The following NOL4L variants were observed in gnomAD, a reference collection of about 807,000 sequenced individuals.
NOL4L encodes the protein nucleolar protein 4-like.
A neutral mutation model predicts 64.5 loss-of-function variants in NOL4L; 7 were observed. The ratio of observed to expected loss-of-function variants is 0.11; its 90% CI spans 0.06 to 0.20. NOL4L has a LOEUF of 0.20. Among genes scored for constraint, NOL4L ranks in the 10% least tolerant of loss-of-function variants. NOL4L has a pLI of 1.00. For missense variants in NOL4L, 680 were observed against 967.1 expected (o/e 0.70, Z 3.94); for synonymous variants, 413 against 401.0 (o/e 1.03, Z -0.36).
chr20:32,487,622 C>T (rs2016146750), intron 4 of NOL4L, among the ~76,000 whole-genome samples: 1 of 151,232 alleles, frequency 6.6e-6, no homozygotes, highest in African/African-American at 2.4e-5. Flanking sequence ...GGATGAGCAT[C>T]GGGGGGGCAA....
chr20:32,474,891 G>A, intron 4 of NOL4L, 149 bp from the exon 5 acceptor site: 16 of 1,423,576 alleles, frequency 1.1e-5, no homozygotes, highest in Admixed American at 2.9e-5. Flanking sequence ...AGGGCTGGGT[G>A]GTGCTCCCCC....
At chr20:32,457,645 G>T (rs983511963) in intron 5 of NOL4L, among the ~76,000 whole-genome samples, 2 of 152,196 alleles carry the variant, frequency 1.3e-5, no homozygotes, top group African/African-American at 4.8e-5. Context: ...CGGGCAGAGG[G>T]GGATGGGAGG....
rs776292590 is a variant in NOL4L, at chr20:32,474,621, T to C, written c.821A>G (p.Asn274Ser). The change falls in exon 5 of 11, where the codon AAC becomes AGC. Residue 274 changes from asparagine to serine, a missense_variant. Physicochemically the swap from Asn to Ser is conservative, Grantham distance 46. Around this residue, in one of 4 missense-constraint regions of NOL4L, gnomAD observed 254 missense variants for 238.7 expected, o/e 1.06. Coordinates refer to ENST00000621426, the MANE Select transcript of NOL4L (RefSeq NM_001256798.2). ...SQDERMRSPQNLHSQEDDDSS... is the reference protein window; with the variant it reads ...SQDERMRSPQSLHSQEDDDSS... ...CTCACCGTCCTCTTGACTGTGGAGG[T>C]TCTGCGGGCTCCGCATCCTCTCGTC... 5.6e-6 allele frequency: 9 copies of C among 1,612,866 alleles called. No homozygotes were observed. The highest frequency in any genetic ancestry group is 7.6e-6 in the Non-Finnish European group (9 of 1,179,624).
In NOL4L at chr20:32,452,737, C is replaced by T. The variant is rs781218698; in HGVS notation, c.1620+147G>A. On this transcript the variant is annotated intron_variant, in intron 9 of 10. Transcript: ENST00000621426. ...GAACAACACACCTGACCTCCACCCA[C>T]CTCCTCTCCTTGTCTTTGCCCTCCT... 2.8e-4 allele frequency: 365 copies of T among 1,288,722 alleles called. 1 individual carries two copies. Among genetic ancestry groups the T allele is most frequent in the South Asian group, 9.7e-4 (69 of 71,306 alleles). The allele number at this position is 1,288,722 out of a possible 1,614,324, so 79.8% of individuals were successfully genotyped here.
chr20:32,559,951 C>T (rs538492393), intron 1 of NOL4L, among the ~76,000 whole-genome samples: 2 of 152,342 alleles, frequency 1.3e-5, no homozygotes, highest in Non-Finnish European at 2.9e-5. Flanking sequence ...ACCAAGCCTC[C>T]CTCTGCCTCC....
At position 32,447,456 on chromosome 20, in the gene NOL4L, G is replaced by T; in HGVS notation, c.*140C>A. The T allele has an allele frequency of 1.0e-6, 1 of 982,910 alleles. No individual in the cohort carries two copies. The highest frequency in any genetic ancestry group is 1.5e-6 in the Non-Finnish European group (1 of 684,970). The allele number at this position is 982,910 out of a possible 1,614,324, so 60.9% of individuals were successfully genotyped here. A position where few individuals can be genotyped will look rare whatever the true frequency, so the allele number is the denominator to read the frequency against. The stretch of plus-strand genomic sequence containing the variant: ...TGTCCTTGTGCCCAAAGTCTCAGGT[G>T]CTTGGAGTGTGGCTAGAAACAGCTC... On this transcript the variant is annotated 3_prime_UTR_variant, in exon 11 of 11. Coordinates refer to ENST00000621426, the MANE Select transcript of NOL4L (RefSeq NM_001256798.2).
intron 1 of NOL4L, among the ~76,000 whole-genome samples, chr20:32,566,603 T>C (rs1204761838): frequency 1.3e-5 from 2 of 152,144 alleles, no homozygotes; most frequent in Non-Finnish European, 1.5e-5. Context: ...CCTCGGGGCC[T>C]TTGCACTTGC....
In NOL4L at chr20:32,443,606, A is replaced by C. The variant is rs1358733650; in HGVS notation, c.*3990T>G. ...GAACCCTGAAGAAATGGCTTGTACT[A>C]TCTGCACTGAAAGTCTTAAATCTCA... On this transcript the variant is annotated 3_prime_UTR_variant, in exon 11 of 11. Coordinates refer to ENST00000621426, the MANE Select transcript of NOL4L (RefSeq NM_001256798.2). 1 of 152,266 alleles carries C rather than the reference A, an allele frequency of 6.6e-6. No individual in the cohort carries two copies. The highest frequency in any genetic ancestry group is 2.4e-5 in the African/African-American group (1 of 41,470). 9.4% of individuals were successfully genotyped at this position (152,266 alleles called of 1,614,324 possible). A position where few individuals can be genotyped will look rare whatever the true frequency, so the allele number is the denominator to read the frequency against.
rs952780642 is a variant in NOL4L, at chr20:32,456,359, G to T, written c.878C>A (p.Ser293Tyr). 4.1e-6 allele frequency: 6 copies of T among 1,477,488 alleles called. No individual in the cohort carries two copies. Among genetic ancestry groups the T allele is most frequent in the Non-Finnish European group, 4.5e-6 (5 of 1,110,176 alleles). 91.5% of individuals were successfully genotyped at this position (1,477,488 alleles called of 1,614,324 possible). Residue 293 changes from serine (S) to tyrosine (Y), a missense_variant, in exon 6 of 11, where the codon TCC becomes TAC. Ser to Tyr is a moderately radical substitution (Grantham distance 144). Transcript: ENST00000621426. Reference protein sequence around the residue: ...SSSESGSGNGSSTLNPSTSSS... With the variant: ...SSSESGSGNGYSTLNPSTSSS... ...CGACGTGGATGGGTTCAGGGTGGAG[G>T]AGCCATTGCCGCTGCCACTCTCAGA...
At chr20:32,483,947 G>A (rs1217228189) in intron 4 of NOL4L, among the ~76,000 whole-genome samples, 2 of 151,696 alleles carry the variant, frequency 1.3e-5, no homozygotes, top group East Asian at 4.0e-4. Context: ...GCGCTTCGAG[G>A]AAGATCCTTG....
At chr20:32,581,939 G>C (rs1980505225) in intron 1 of NOL4L, 3 of 152,226 alleles carry the variant, frequency 2.0e-5, no homozygotes, top group Admixed American at 6.5e-5. Context: ...CCTTTCAAAG[G>C]AGGTCCCATT....
chr20:32,537,032 A>G, intron 1 of NOL4L: 5 of 982,760 alleles, frequency 5.1e-6, no homozygotes, highest in Non-Finnish European at 6.0e-6. Flanking sequence ...GGCCCCGCCA[A>G]CCGGCTCCCG....
intron 1 of NOL4L, among the ~76,000 whole-genome samples, chr20:32,578,108 A>AAGGAAGG (rs1980228404): frequency 1.1e-5 from 1 of 88,284 alleles, no homozygotes; most frequent in South Asian, 4.6e-4. Flanking sequence ...AGAAAGAGAG[A>AAGGAAGG]AAGGAAGGAA....
intron 5 of NOL4L, among the ~76,000 whole-genome samples, chr20:32,456,764 C>T (rs913775096): frequency 1.3e-5 from 2 of 152,214 alleles, no homozygotes; most frequent in Admixed American, 6.5e-5. Flanking sequence ...CGGCCAGGCT[C>T]TCCCTTCTCC....
At position 32,464,204 on chromosome 20, in the gene NOL4L, C is replaced by A. The variant is rs1200626179; in HGVS notation, c.842-7809G>T. On this transcript the variant is annotated intron_variant, in intron 5 of 10. Coordinates refer to ENST00000621426, the MANE Select transcript of NOL4L (RefSeq NM_001256798.2). The surrounding 1 kb of genome is among the most constrained non-coding windows in gnomAD (Gnocchi z 5.6). ...CGTGCACCTCCCCAGGACTGGCCCC[C>A]TGCCTGCTTTGACAAAGGCCAGCGC... Among the ~76,000 whole-genome samples the A allele has an allele frequency of 6.6e-6, 1 of 152,208 alleles. No individual in the cohort carries two copies. Among genetic ancestry groups the A allele is most frequent in the Non-Finnish European group, 1.5e-5 (1 of 68,038 alleles).
chr20:32,569,325 G>A (rs1172084038), intron 1 of NOL4L, among the ~76,000 whole-genome samples: 1 of 152,196 alleles, frequency 6.6e-6, no homozygotes, highest in Non-Finnish European at 1.5e-5. Context: ...AGGTCATGGT[G>A]ACTTTTGCTC....
chr20:32,558,990 A>G (rs893133283), intron 1 of NOL4L, among the ~76,000 whole-genome samples: 1 of 152,122 alleles, frequency 6.6e-6, no homozygotes, highest in African/African-American at 2.4e-5. Context: ...TCCTCCTTGG[A>G]TAGTGTGTCC....
intron 5 of NOL4L, among the ~76,000 whole-genome samples, chr20:32,473,998 ACT>A (rs1357449484): frequency 2.0e-5 from 3 of 151,902 alleles, no homozygotes; most frequent in African/African-American, 7.3e-5. Flanking sequence ...CCTGACCCTA[ACT>A]CTCCAACCCC....
chr20:32,505,494 A>G (rs1394101741), intron 4 of NOL4L, among the ~76,000 whole-genome samples: 1 of 152,142 alleles, frequency 6.6e-6, no homozygotes, highest in Non-Finnish European at 1.5e-5. Context: ...GGAGGCTGAG[A>G]TGGGCAGATC....
Sources: allele counts gnomAD v4.1 joint callset (sites outside exome capture counted in the v4.1 genomes callset), GRCh38; gene constraint gnomAD v4.1.1; regional missense constraint gnomAD v4.1.1; non-coding constraint Gnocchi (gnomAD v3.1); transcripts MANE v1.5; gene names NCBI Gene and HGNC (gene_info 2026-07-23, HGNC 2026-07-21).